The following NEK10 variants were observed in gnomAD, a reference collection of about 807,000 sequenced individuals.
NEK10 encodes the protein serine/threonine-protein kinase Nek10.
NEK10 carries 122 observed loss-of-function variants against 159.8 expected under a neutral mutation model. The observed-to-expected ratio is 0.76, with a 90% confidence interval of 0.66 to 0.89. NEK10 has a LOEUF of 0.89. Among genes scored for constraint, NEK10 ranks in the 40% least tolerant of loss-of-function variants. The pLI, the probability that NEK10 is intolerant of heterozygous loss-of-function variation, is 0.00. For synonymous variants in NEK10, 466 were observed against 457.1 expected (o/e 1.02, Z -0.25); for missense variants, 1,342 against 1,323.1 (o/e 1.01, Z -0.22).
intron 30 of NEK10, among the ~76,000 whole-genome samples, chr3:27,144,120 C>T (rs1020009200): frequency 2.6e-5 from 4 of 152,216 alleles, no homozygotes; most frequent in Non-Finnish European, 4.4e-5. Flanking sequence ...TTCCTCCCTT[C>T]TTTCCTCCCT....
At chr3:27,312,234 C>G in intron 7 of NEK10, 57 bp from the exon 8 acceptor site, 2 of 977,346 alleles carry the variant, frequency 2.0e-6, no homozygotes, top group African/African-American at 1.6e-5. Context: ...CCCAAGGAAG[C>G]AAGGAACAAG....
At chr3:27,342,636 C>A (rs2047277099) in intron 5 of NEK10, among the ~76,000 whole-genome samples, 1 of 152,134 alleles carries the variant, frequency 6.6e-6, no homozygotes, top group Admixed American at 6.5e-5. Context: ...AATTTTTAAA[C>A]ACCCTGAAAA....
chr3:27,346,304 T>G (rs938190448), intron 3 of NEK10, 88 bp from the exon 4 acceptor site: 47 of 1,400,632 alleles, frequency 3.4e-5, no homozygotes, highest in Non-Finnish European at 4.5e-5. Context: ...ATGAAGAGAC[T>G]GAGATTTTTT....
chr3:27,352,869 T>C lies in NEK10; in HGVS notation c.14A>G (p.Asp5Gly). MPDQDKKVKTTEKST... is the reference protein window; with the variant it reads MPDQGKKVKTTEKST... ...TTTTTCTGTGGTCTTCACCTTTTTATCTTGATCAGGCATTGTAAAACATCA... is the reference window on the plus strand; with the variant it reads ...TTTTTCTGTGGTCTTCACCTTTTTACCTTGATCAGGCATTGTAAAACATCA... Residue 5 changes from aspartate to glycine, a missense_variant, in exon 2 of 36, where the codon GAT becomes GGT. By Grantham distance (94) the Asp-to-Gly change is moderately conservative. Coordinates refer to ENST00000691995, the MANE Select transcript of NEK10 (RefSeq NM_001394966.1). 4 of 1,608,364 alleles carry C rather than the reference T, an allele frequency of 2.5e-6. No individual in the cohort carries two copies. The highest frequency in any genetic ancestry group is 3.4e-6 in the Non-Finnish European group (4 of 1,175,240).
Position 27,115,960 on chromosome 3 carries a change from A to G in NEK10, c.3279T>C (p.Tyr1093=). 6.2e-7 allele frequency: 1 copy of G among 1,612,844 alleles called. No individual in the cohort carries two copies. Among genetic ancestry groups the G allele is most frequent in the Non-Finnish European group, 8.5e-7 (1 of 1,179,150 alleles). The change falls in exon 35 of 36, where the codon TAT becomes TAC. Residue 1093 remains tyrosine, a synonymous_variant. Transcript: ENST00000691995. ...VIEEVLEESG[Y]YNFTSNRYHS... ...CTTACCTGTTAGATGTAAAATTGTAATAGCCACTTTCCTCAAGGACTTCTT... is the reference window on the plus strand; with the variant it reads ...CTTACCTGTTAGATGTAAAATTGTAGTAGCCACTTTCCTCAAGGACTTCTT...
In NEK10 at chr3:27,109,878, T is replaced by C. The variant is rs549987627; in HGVS notation, c.*1394A>G. Among the ~76,000 whole-genome samples the C allele has an allele frequency of 8.3e-4, 127 of 152,314 alleles. No individual in the cohort carries two copies. Among genetic ancestry groups the C allele is most frequent in the Middle Eastern group, 3.4e-3 (1 of 294 alleles). On this transcript the variant is annotated 3_prime_UTR_variant, in exon 36 of 36. Transcript: ENST00000691995. ...TTAATTTGGCTTAAAGAAAGATCCA[T>C]TGACAATCTTCAAAAGCATTAGTGC...
chr3:27,320,383 A>T (rs1453217847), intron 6 of NEK10, among the ~76,000 whole-genome samples: 5 of 152,256 alleles, frequency 3.3e-5, no homozygotes, highest in African/African-American at 4.8e-5. Context: ...TTCAAGTCAG[A>T]TTAACTGGAC....
At chr3:27,298,148 A>G (rs2149521137) in intron 13 of NEK10, among the ~76,000 whole-genome samples, 1 of 152,244 alleles carries the variant, frequency 6.6e-6, no homozygotes, top group South Asian at 2.1e-4. Flanking sequence ...TTTAGGTATT[A>G]ACATGGTTTG....
intron 23 of NEK10, among the ~76,000 whole-genome samples, chr3:27,207,401 G>A (rs1236397155): frequency 6.6e-6 from 1 of 152,086 alleles, no homozygotes; most frequent in Non-Finnish European, 1.5e-5. Context: ...ACAATATAAT[G>A]ATATAGCATC....
intron 30 of NEK10, among the ~76,000 whole-genome samples, chr3:27,158,045 A>C (rs1309422015): frequency 6.6e-6 from 1 of 152,190 alleles, no homozygotes; most frequent in South Asian, 2.1e-4. Flanking sequence ...CTTTATGTGC[A>C]TTGGAAAACC....
At chr3:27,347,970 T>C (rs1402405950) in intron 3 of NEK10, among the ~76,000 whole-genome samples, 1 of 152,206 alleles carries the variant, frequency 6.6e-6, no homozygotes, top group Non-Finnish European at 1.5e-5. Context: ...TATAAAACAC[T>C]TGTTATGTGT....
chr3:27,305,214 A>G (rs2044142402), intron 11 of NEK10, among the ~76,000 whole-genome samples: 1 of 152,248 alleles, frequency 6.6e-6, no homozygotes, highest in Non-Finnish European at 1.5e-5. Flanking sequence ...CATAGACAAC[A>G]TATAAAAATA....
At chr3:27,229,724 T>C (rs769823098) in intron 23 of NEK10, among the ~76,000 whole-genome samples, 1 of 151,906 alleles carries the variant, frequency 6.6e-6, no homozygotes, top group African/African-American at 2.4e-5. Context: ...AAATACAAAA[T>C]GCAATGGACA....
intron 33 of NEK10, among the ~76,000 whole-genome samples, chr3:27,119,128 GT>G (rs921570342): frequency 6.6e-6 from 1 of 152,198 alleles, no homozygotes; most frequent in Non-Finnish European, 1.5e-5. Context: ...TAGACAGGCA[GT>G]TTTTATTTTT....
intron 23 of NEK10, among the ~76,000 whole-genome samples, chr3:27,251,861 T>G (rs969848332): frequency 2.6e-5 from 4 of 151,800 alleles, no homozygotes; most frequent in African/African-American, 9.7e-5. Flanking sequence ...CTATGTAATA[T>G]ATAAAGATAA....
chr3:27,167,049 C>G (rs1171420973), intron 29 of NEK10, among the ~76,000 whole-genome samples: 2 of 152,138 alleles, frequency 1.3e-5, no homozygotes, highest in Non-Finnish European at 2.9e-5. Context: ...CCACAGGCAT[C>G]TCTGATACCA....
chr3:27,175,664 T>C (rs1575111578), intron 26 of NEK10, among the ~76,000 whole-genome samples: 1 of 152,186 alleles, frequency 6.6e-6, no homozygotes, highest in Non-Finnish European at 1.5e-5. Context: ...AAGATGTTCA[T>C]TGTATGGGAC....
Position 27,288,337 on chromosome 3 carries a change from C to T in NEK10, c.1744-594G>A, listed in dbSNP as rs184639264. Among the ~76,000 whole-genome samples, 195 of 152,302 alleles carry T rather than the reference C, an allele frequency of 1.3e-3. 1 individual carries two copies. Among genetic ancestry groups the T allele is most frequent in the Admixed American group, 8.0e-3 (122 of 15,306 alleles). ...TAGTCAGGCTCCTCTGAGTCCTCTT[C>T]GTGACTAGGCCTCATCCTTGGTCTG... On this transcript the variant is annotated intron_variant, in intron 19 of 35. Coordinates refer to ENST00000691995, the MANE Select transcript of NEK10 (RefSeq NM_001394966.1).
Position 27,174,794 on chromosome 3 carries a change from C to G in NEK10, c.2545G>C (p.Gly849Arg). The G allele has an allele frequency of 6.2e-7, 1 of 1,608,648 alleles. No homozygotes were observed. The change falls in exon 27 of 36, where the codon GGA (glycine) becomes CGA (arginine). Residue 849 changes from glycine to arginine, a missense_variant. Gly to Arg is a moderately radical substitution (Grantham distance 125). Transcript: ENST00000691995. ...AGTTCACTTTTCAGGCTGGCTGCTCCACTGCTGCTGCTACTCAAACTTGCC... is the reference window on the plus strand; with the variant it reads ...AGTTCACTTTTCAGGCTGGCTGCTCGACTGCTGCTGCTACTCAAACTTGCC... ...EKASLSSSSS[G>R]AASLKSELSE...
Sources: gnomAD v4.1 joint callset for allele counts (sites outside exome capture counted in the v4.1 genomes callset) on GRCh38, gnomAD v4.1.1 for gene constraint, MANE v1.5 for transcripts, NCBI Gene and HGNC (gene_info 2026-07-23, HGNC 2026-07-21) for gene names.